The following EPOR variants were observed in gnomAD, a reference collection of about 807,000 sequenced individuals.
EPOR encodes the protein erythropoietin receptor.
EPOR carries 20 observed loss-of-function variants against 34.3 expected under a neutral mutation model. That is an observed-to-expected ratio of 0.58 (90% CI 0.41 to 0.85). The LOEUF is 0.85. Among genes scored for constraint, EPOR ranks in the 40% least tolerant of loss-of-function variants. EPOR has a pLI of 0.00. For missense variants in EPOR, 601 were observed against 672.7 expected (o/e 0.89, Z 1.18); for synonymous variants, 312 against 299.0 (o/e 1.04, Z -0.45).
In EPOR at chr19:11,383,102, C is replaced by T. The variant is rs1469845984; in HGVS notation, c.246G>A (p.Gln82=). The part of the protein sequence containing the change: ...VGPGNYSFSY[Q]LEDEPWKLCR... The stretch of plus-strand genomic sequence containing the variant: ...ACCCGCCGGATCGGACTCACTCGAG[C>T]TGGTAGGAGAAGCTGTAGTTGCCCG... Residue 82 remains glutamine (Q), a synonymous_variant, in exon 2 of 8, where the codon CAG becomes CAA. Transcript: ENST00000222139. The surrounding 1 kb of genome is among the most constrained non-coding windows in gnomAD (Gnocchi z 4.9). 20 of 1,613,634 alleles carry T rather than the reference C, an allele frequency of 1.2e-5. No homozygotes were observed. The East Asian group carries it at 4.0e-4, about 32-fold the overall frequency.
At position 11,377,952 on chromosome 19, in the gene EPOR, A is replaced by G. The variant is rs199784763; in HGVS notation, c.*32T>C. On this transcript the variant is annotated 3_prime_UTR_variant, in exon 8 of 8. Transcript: ENST00000222139. The stretch of plus-strand genomic sequence containing the variant: ...AGTCTGCACTGGTTCTCTGAGTCAT[A>G]TTGGATCCCTGATCATCTGCAGCCT... 416 of 1,613,136 alleles carry G rather than the reference A, an allele frequency of 2.6e-4. No individual in the cohort carries two copies. Among genetic ancestry groups the G allele is most frequent in the Non-Finnish European group, 3.3e-4 (386 of 1,179,918 alleles).
rs1209147888 is a variant in EPOR, at chr19:11,378,153, T to G, written c.1358A>C (p.Lys453Thr). Residue 453 changes from lysine (K) to threonine (T), a missense_variant, in exon 8 of 8, where the codon AAG becomes ACG. Transcript: ENST00000222139. The surrounding 1 kb of genome is among the most constrained non-coding windows in gnomAD (Gnocchi z 5.3). ...PELPPTPPHLKYLYLVVSDSG... is the reference protein window; with the variant it reads ...PELPPTPPHLTYLYLVVSDSG... ...GTCAGATACCACAAGGTACAGGTAC[T>G]TTAGGTGGGGTGGGGTAGGGGGCAG... 7 of 1,613,876 alleles carry G rather than the reference T, an allele frequency of 4.3e-6. No individual in the cohort carries two copies. Among genetic ancestry groups the G allele is most frequent in the Non-Finnish European group, 5.1e-6 (6 of 1,179,986 alleles).
chr19:11,380,745 C>T (rs1002464588), intron 6 of EPOR, 139 bp downstream of exon 6: 2 of 726,698 alleles, frequency 2.8e-6, no homozygotes, highest in Non-Finnish European at 4.9e-6. Flanking sequence ...TGGCATGCAT[C>T]CCAGCCCTGC....
chr19:11,378,879 C>T lies in EPOR; in HGVS notation c.828-101G>A. ...ATAGAGGCACAGATACACTTGGTCC[C>T]TGTGATCACAATGGAGGCAGAGGAG... On this transcript the variant is annotated intron_variant, in intron 6 of 7. Transcript: ENST00000222139. The surrounding 1 kb of genome is among the most constrained non-coding windows in gnomAD (Gnocchi z 5.3). 8.2e-7 allele frequency: 1 copy of T among 1,213,588 alleles called. No homozygotes were observed. The highest frequency in any genetic ancestry group is 1.2e-6 in the Non-Finnish European group (1 of 840,722). 75.2% of individuals were successfully genotyped at this position (1,213,588 alleles called of 1,614,324 possible).
rs1318696099 is a variant in EPOR at position 11,378,926 on chromosome 19, G to C, written c.828-148C>G. 9.7e-6 allele frequency: 8 copies of C among 823,376 alleles called. No individual in the cohort carries two copies. Among genetic ancestry groups the C allele is most frequent in the African/African-American group, 1.7e-5 (1 of 59,268 alleles). The allele number at this position is 823,376 out of a possible 1,614,324, so 51.0% of individuals were successfully genotyped here. A position where few individuals can be genotyped will look rare whatever the true frequency, so the allele number is the denominator to read the frequency against. On this transcript the variant is annotated intron_variant, in intron 6 of 7. Coordinates refer to ENST00000222139, the MANE Select transcript of EPOR (RefSeq NM_000121.4). This position sits in a 1 kb window ranked among gnomAD's most constrained non-coding sequence, Gnocchi z 5.3. ...GGAGTACATCAGGGCCAGGGGACAG[G>C]GGTTTTGGCTGAAGCATCAGCAAGG...
chr19:11,384,115 CG>C lies in EPOR; in HGVS notation c.92del (p.Pro31ArgfsTer90). On this transcript the variant is annotated frameshift_variant, in exon 1 of 8. Transcript: ENST00000222139. LOFTEE classifies it high-confidence loss of function. ...GAAWAPPPNL[P>X]DPKFESKAAL... is the part of the protein sequence containing the mutation. ...TACCTTTGCTCTCGAACTTGGGGTC[CG>C]GGAGGTTAGGCGGGGGCGCCCAGGC... The C allele has an allele frequency of 6.5e-7, 1 of 1,550,324 alleles. No individual in the cohort carries two copies.
rs984466358 is a variant in EPOR, at chr19:11,381,072, C to T, written c.723G>A (p.Ser241=). 6.9e-6 allele frequency: 11 copies of T among 1,602,074 alleles called. No homozygotes were observed. Among genetic ancestry groups the T allele is most frequent in the Non-Finnish European group, 8.5e-6 (10 of 1,174,634 alleles). ...GGGCCTCACCGCTAGGCGTCAGCAG[C>T]GACACAGGCTCCGACCAGGCGCTCC... ...GFWSAWSEPV[S]LLTPSDLDPL... is the part of the protein sequence containing the mutation. Residue 241 remains serine (S), a synonymous_variant, in exon 5 of 8, where the codon TCG becomes TCA. Transcript: ENST00000222139. The surrounding 1 kb of genome is among the most constrained non-coding windows in gnomAD (Gnocchi z 5.3).
Position 11,378,710 on chromosome 19 carries a change from G to A in EPOR, c.896C>T (p.Thr299Ile). Residue 299 changes from threonine (T) to isoleucine (I), a missense_variant, in exon 7 of 8, where the codon ACC becomes ATC. Transcript: ENST00000222139. This position sits in a 1 kb window ranked among gnomAD's most constrained non-coding sequence, Gnocchi z 5.3. ...PESEFEGLFTTHKGNFQLWLY... is the reference protein window; with the variant it reads ...PESEFEGLFTIHKGNFQLWLY... Reference sequence around the variant, plus strand: ...ACCTACCTGGAAGTTACCCTTGTGGGTGGTGAAGAGGCCTTCAAACTCGCT... The same window carrying A: ...ACCTACCTGGAAGTTACCCTTGTGGATGGTGAAGAGGCCTTCAAACTCGCT... The A allele has an allele frequency of 6.2e-7, 1 of 1,614,242 alleles. No individual in the cohort carries two copies. Among genetic ancestry groups the A allele is most frequent in the African/African-American group, 1.3e-5 (1 of 75,056 alleles).
At chr19:11,384,064 G>T (rs1379834868) in intron 1 of EPOR, 29 bp downstream of exon 1, 1 of 1,409,176 alleles carries the variant, frequency 7.1e-7, no homozygotes. Context: ...AGGCTCCAGC[G>T]TAGGGGTCCA....
chr19:11,382,547 G>GAGAT (rs1191091958), intron 2 of EPOR, among the ~76,000 whole-genome samples: 1 of 152,064 alleles, frequency 6.6e-6, no homozygotes, highest in African/African-American at 2.4e-5. Context: ...ATTTTTAGTA[G>GAGAT]AGATAGAGTT....
chr19:11,378,856 A>T lies in EPOR; in HGVS notation c.828-78T>A. 1 of 1,373,652 alleles carries T rather than the reference A, an allele frequency of 7.3e-7. No homozygotes were observed. The highest frequency in any genetic ancestry group is 1.0e-6 in the Non-Finnish European group (1 of 975,418). 85.1% of individuals were successfully genotyped at this position (1,373,652 alleles called of 1,614,324 possible). On this transcript the variant is annotated intron_variant, in intron 6 of 7. Transcript: ENST00000222139. This position sits in a 1 kb window ranked among gnomAD's most constrained non-coding sequence, Gnocchi z 5.3. ...CAATTCCCCCTCCACTCCCAGTCATAGAGGCACAGATACACTTGGTCCCTG... is the reference window on the plus strand; with the variant it reads ...CAATTCCCCCTCCACTCCCAGTCATTGAGGCACAGATACACTTGGTCCCTG...
chr19:11,383,054 C>CT lies in EPOR; in HGVS notation c.251+42_251+43insA, dbSNP rs746309418. Reference sequence around the variant, plus strand: ...CGACCTCCAGGGAGCTCTGCCCCACCCCCTCCCTCCGCCCTTGGAGGCACC... The same window carrying CT: ...CGACCTCCAGGGAGCTCTGCCCCACCTCCCTCCCTCCGCCCTTGGAGGCACC... On this transcript the variant is annotated intron_variant, in intron 2 of 7. Transcript: ENST00000222139. This position sits in a 1 kb window ranked among gnomAD's most constrained non-coding sequence, Gnocchi z 4.9. The CT allele has an allele frequency of 9.9e-6, 16 of 1,612,028 alleles. No homozygotes were observed. The highest frequency in any genetic ancestry group is 1.7e-6 in the Non-Finnish European group (2 of 1,179,720).
chr19:11,378,457 C>T lies in EPOR; in HGVS notation c.1054G>A (p.Glu352Lys), dbSNP rs2144694485. 4 of 1,614,204 alleles carry T rather than the reference C, an allele frequency of 2.5e-6. No individual in the cohort carries two copies. The highest frequency in any genetic ancestry group is 1.3e-5 in the African/African-American group (1 of 75,062). Residue 352 changes from glutamate (E) to lysine (K), a missense_variant, in exon 8 of 8, where the codon GAG becomes AAG. Glu to Lys is a moderately conservative substitution (Grantham distance 56, BLOSUM62 1). Coordinates refer to ENST00000222139, the MANE Select transcript of EPOR (RefSeq NM_000121.4). This position sits in a 1 kb window ranked among gnomAD's most constrained non-coding sequence, Gnocchi z 5.3. ...MQAVEPGTDD[E>K]GPLLEPVGSE... ...CCCACTGGCTCCAGCAGGGGGCCCT[C>T]ATCATCTGTCCCCGGCTCCACTGCC...
chr19:11,377,973 A>G lies in EPOR; in HGVS notation c.*11T>C, dbSNP rs1269798962. ...TCATATTGGATCCCTGATCATCTGC[A>G]GCCTGGTGTCCTAAGAGCAAGCCAC... On this transcript the variant is annotated 3_prime_UTR_variant, in exon 8 of 8. Coordinates refer to ENST00000222139, the MANE Select transcript of EPOR (RefSeq NM_000121.4). 6 of 1,613,784 alleles carry G rather than the reference A, an allele frequency of 3.7e-6. No individual in the cohort carries two copies. In the African/African-American group the frequency reaches 8.0e-5, roughly 22 times the overall value.
Position 11,381,260 on chromosome 19 carries a change from GT to G in EPOR, c.586-52del, listed in dbSNP as rs766371400. On this transcript the variant is annotated intron_variant, in intron 4 of 7. Coordinates refer to ENST00000222139, the MANE Select transcript of EPOR (RefSeq NM_000121.4). The surrounding 1 kb of genome is among the most constrained non-coding windows in gnomAD (Gnocchi z 5.3). The stretch of plus-strand genomic sequence containing the variant: ...CGCGTAGCAGACAAAAATAGATGAC[GT>G]GGGGGCGGGCCCTGGTGGAACTGAG... The G allele has an allele frequency of 2.9e-4, 453 of 1,541,084 alleles. 1 individual carries two copies. The highest frequency in any genetic ancestry group is 2.4e-4 in the Non-Finnish European group (270 of 1,140,786).
chr19:11,378,181 C>T lies in EPOR; in HGVS notation c.1330G>A (p.Glu444Lys). 2 of 1,614,090 alleles carry T rather than the reference C, an allele frequency of 1.2e-6. No individual in the cohort carries two copies. The highest frequency in any genetic ancestry group is 1.7e-6 in the Non-Finnish European group (2 of 1,180,022). The part of the protein sequence containing the change: ...QLLRPWTLCP[E>K]LPPTPPHLKY... ...AGGTGGGGTGGGGTAGGGGGCAGCT[C>T]AGGGCACAGTGTCCATGGACGCAAG... The change falls in exon 8 of 8, where the codon GAG becomes AAG. Residue 444 changes from glutamate (E) to lysine (K), a missense_variant. Physicochemically the swap from Glu to Lys is moderately conservative, Grantham distance 56. Transcript: ENST00000222139. The surrounding 1 kb of genome is among the most constrained non-coding windows in gnomAD (Gnocchi z 5.3).
chr19:11,383,232 G>C lies in EPOR; in HGVS notation c.116C>G (p.Ala39Gly). 1 of 1,593,660 alleles carries C rather than the reference G, an allele frequency of 6.3e-7. No homozygotes were observed. Among genetic ancestry groups the C allele is most frequent in the Non-Finnish European group, 8.5e-7 (1 of 1,171,890 alleles). Reference sequence around the variant, plus strand: ...GGGCCCCCGGGCCGCCAGCAAGGCCGCTGGGGAGGGGCGACAAAGGAAGGG... The same window carrying C: ...GGGCCCCCGGGCCGCCAGCAAGGCCCCTGGGGAGGGGCGACAAAGGAAGGG... Reference protein sequence around the residue: ...NLPDPKFESKAALLAARGPEE... With the variant: ...NLPDPKFESKGALLAARGPEE... Residue 39 changes from alanine to glycine, a missense_variant and splice_region_variant, in exon 2 of 8, where the codon GCG (alanine) becomes GGG (glycine). Physicochemically the swap from Ala to Gly is moderately conservative, Grantham distance 60. Transcript: ENST00000222139. This position sits in a 1 kb window ranked among gnomAD's most constrained non-coding sequence, Gnocchi z 4.9.
At chr19:11,380,307 TTC>T (rs1420538111) in intron 6 of EPOR, among the ~76,000 whole-genome samples, 1 of 152,226 alleles carries the variant, frequency 6.6e-6, no homozygotes, top group East Asian at 1.9e-4. Context: ...TTGTTCTCCA[TTC>T]TCTCTCCAGT....
In EPOR at chr19:11,381,697, G is replaced by A. The variant is rs1330650813; in HGVS notation, c.580C>T (p.Gln194Ter). ...VSAGNGAGSV[Q>*]RVEILEGRTE... is the part of the protein sequence containing the mutation. ...GCCGTAGGGGCTGGCCTCACCCTCTGTACGCTCCCTGCGCCGTTGCCGGCC... is the reference window on the plus strand; with the variant it reads ...GCCGTAGGGGCTGGCCTCACCCTCTATACGCTCCCTGCGCCGTTGCCGGCC... Residue 194 changes from glutamine to a stop codon, truncating the protein, a stop_gained, in exon 4 of 8, where the codon CAG becomes TAG. Transcript: ENST00000222139. LOFTEE classifies it high-confidence loss of function. This position sits in a 1 kb window ranked among gnomAD's most constrained non-coding sequence, Gnocchi z 5.3. 4.4e-6 allele frequency: 7 copies of A among 1,606,060 alleles called. No individual in the cohort carries two copies. The Admixed American group carries it at 6.8e-5, about 16-fold the overall frequency.
Sources: allele counts gnomAD v4.1 joint callset (sites outside exome capture counted in the v4.1 genomes callset), GRCh38; gene constraint gnomAD v4.1.1; non-coding constraint Gnocchi (gnomAD v3.1); transcripts MANE v1.5; gene names NCBI Gene and HGNC (gene_info 2026-07-23, HGNC 2026-07-21).